The following DUSP8 variants were observed in gnomAD, a reference collection of about 807,000 sequenced individuals.
DUSP8 encodes the protein dual specificity protein phosphatase 8.
DUSP8 carries 15 observed loss-of-function variants against 38.7 expected under a neutral mutation model. The ratio of observed to expected loss-of-function variants is 0.39; its 90% CI spans 0.26 to 0.60. The LOEUF (loss-of-function observed/expected upper bound fraction) is 0.60. Among genes scored for constraint, DUSP8 ranks in the 20% least tolerant of loss-of-function variants. The pLI, the probability that DUSP8 is intolerant of heterozygous loss-of-function variation, is 0.56. For synonymous variants in DUSP8, 458 were observed against 433.9 expected, an observed-to-expected ratio of 1.06 and a Z score of -0.69; for missense variants, 768 against 915.0, an observed-to-expected ratio of 0.84 and a Z score of 2.07.
rs1590811366 is a variant in DUSP8 at position 1,572,114 on chromosome 11, G to A, written c.-322C>T. On this transcript the variant is annotated 5_prime_UTR_variant, in exon 1 of 7. Transcript: ENST00000397374. This position sits in a 1 kb window ranked among gnomAD's most constrained non-coding sequence, Gnocchi z 4.7. The stretch of plus-strand genomic sequence containing the variant: ...GGGCGCGCGCACTGCGGGCGGGCAC[G>A]CGCGCTCGCGGCGCGCATCCCAGCC... Among the ~76,000 whole-genome samples, 1 of 145,512 alleles carries A rather than the reference G, an allele frequency of 6.9e-6. No homozygotes were observed. The highest frequency in any genetic ancestry group is 2.5e-5 in the African/African-American group (1 of 40,614).
At chr11:1,562,709 G>GCA (rs1848741733) in intron 3 of DUSP8, among the ~76,000 whole-genome samples, 1 of 150,910 alleles carries the variant, frequency 6.6e-6, no homozygotes, top group African/African-American at 2.5e-5. Flanking sequence ...ACACATACAT[G>GCA]CACACACATG....
At chr11:1,570,929 T>C (rs562577440) in intron 1 of DUSP8, among the ~76,000 whole-genome samples, 7 of 152,064 alleles carry the variant, frequency 4.6e-5, no homozygotes, top group African/African-American at 1.7e-4. Flanking sequence ...TTCCCTGGCC[T>C]GCAGCACCCC....
intron 1 of DUSP8, among the ~76,000 whole-genome samples, chr11:1,568,268 T>C (rs1848835505): frequency 1.3e-5 from 2 of 151,752 alleles, no homozygotes; most frequent in African/African-American, 4.8e-5. Flanking sequence ...CATGCAGCCC[T>C]GAGTCCTGAC....
chr11:1,565,950 G>A lies in DUSP8; in HGVS notation c.-108-16C>T. 1.2e-6 allele frequency: 1 copy of A among 835,220 alleles called. No individual in the cohort carries two copies. The highest frequency in any genetic ancestry group is 2.2e-5 in the Admixed American group (1 of 45,702). 51.7% of individuals were successfully genotyped at this position (835,220 alleles called of 1,614,324 possible). ...GGTGCTGGACCTGCAGGGACAGGGGGATGGTCAGCAGTGCTGCGGGCCCCT... is the reference window on the plus strand; with the variant it reads ...GGTGCTGGACCTGCAGGGACAGGGGAATGGTCAGCAGTGCTGCGGGCCCCT... On this transcript the variant is annotated splice_polypyrimidine_tract_variant and intron_variant, in intron 1 of 6. Coordinates refer to ENST00000397374, the MANE Select transcript of DUSP8 (RefSeq NM_004420.3).
chr11:1,569,957 C>A (rs1312317502), intron 1 of DUSP8, among the ~76,000 whole-genome samples: 1 of 152,204 alleles, frequency 6.6e-6, no homozygotes, highest in Non-Finnish European at 1.5e-5. Context: ...CACAGGTCAG[C>A]TCATCTTCCC....
rs188248625 is a variant in DUSP8 at position 1,571,232 on chromosome 11, G to A, written c.-109+669C>T. The A allele has an allele frequency of 2.0e-5, 3 of 152,400 alleles. No individual in the cohort carries two copies. In the East Asian group the frequency reaches 5.8e-4, roughly 29 times the overall value. The allele number at this position is 152,400 out of a possible 1,614,324, so 9.4% of individuals were successfully genotyped here. ...GCTGGGCAGCTGGGCCTAGCGAGGT[G>A]GCTGCAGCAGCCTGGCTGTGCCAGC... is the stretch of plus-strand genomic sequence containing the variant. On this transcript the variant is annotated intron_variant, in intron 1 of 6. Transcript: ENST00000397374.
chr11:1,564,211 G>A (rs138309569), intron 2 of DUSP8, among the ~76,000 whole-genome samples: 4 of 152,328 alleles, frequency 2.6e-5, no homozygotes, highest in East Asian at 3.9e-4. Context: ...AAGCCATGGG[G>A]GCAGGGAGGG....
At chr11:1,568,287 G>A (rs1356163201) in intron 1 of DUSP8, among the ~76,000 whole-genome samples, 1 of 151,658 alleles carries the variant, frequency 6.6e-6, no homozygotes, top group Non-Finnish European at 1.5e-5. Context: ...ACACTGCCAT[G>A]AGAGACCTCG....
chr11:1,561,714 C>T (rs572055094), intron 3 of DUSP8, among the ~76,000 whole-genome samples: 6 of 152,370 alleles, frequency 3.9e-5, no homozygotes, highest in African/African-American at 1.4e-4. Context: ...CCTCACATTC[C>T]GGCCTCTACT....
At position 1,556,797 on chromosome 11, in the gene DUSP8, C is replaced by T; in HGVS notation, c.1599G>A (p.Gly533=). 1 of 1,175,140 alleles carries T rather than the reference C, an allele frequency of 8.5e-7. No individual in the cohort carries two copies. Among genetic ancestry groups the T allele is most frequent in the Non-Finnish European group, 1.1e-6 (1 of 951,774 alleles). 72.8% of individuals were successfully genotyped at this position (1,175,140 alleles called of 1,614,324 possible). Residue 533 remains glycine, a synonymous_variant, in exon 7 of 7, where the codon GGG becomes GGA. Transcript: ENST00000397374. The surrounding 1 kb of genome is among the most constrained non-coding windows in gnomAD (Gnocchi z 5.2). ...PWCFSPEGAQ[G]AGGVLFAPFG... The stretch of plus-strand genomic sequence containing the variant: ...AGGGCGCAAACAGCACCCCGCCCGC[C>T]CCCTGTGCGCCCTCGGGGCTGAAGC...
At chr11:1,559,172 C>T in intron 3 of DUSP8, 117 bp from the exon 4 acceptor site, 1 of 1,053,622 alleles carries the variant, frequency 9.5e-7, no homozygotes, top group South Asian at 1.8e-5. Flanking sequence ...CACACCCAGC[C>T]CAGACCCGAG....
At position 1,565,813 on chromosome 11, in the gene DUSP8, C is replaced by T. The variant is rs554735883; in HGVS notation, c.14G>A (p.Arg5Gln). Residue 5 changes from arginine (R) to glutamine (Q), a missense_variant, in exon 2 of 7, where the codon CGG becomes CAG. Physicochemically the swap from Arg to Gln is conservative, Grantham distance 43. Around this residue, in one of 3 missense-constraint regions of DUSP8, gnomAD observed 252 missense variants for 410.4 expected, o/e 0.61. Transcript: ENST00000397374. MAGD[R>Q]LPRKVMDAKK... is the part of the protein sequence containing the mutation. The stretch of plus-strand genomic sequence containing the variant: ...GGCATCCATCACCTTCCTCGGGAGC[C>T]GGTCCCCAGCCATGGTGGGGCAATG... The T allele has an allele frequency of 3.5e-5, 57 of 1,605,870 alleles. No individual in the cohort carries two copies. Among genetic ancestry groups the T allele is most frequent in the East Asian group, 9.0e-5 (4 of 44,632 alleles).
chr11:1,563,673 C>T (rs1848755829), intron 3 of DUSP8, among the ~76,000 whole-genome samples, 178 bp downstream of exon 3: 1 of 152,154 alleles, frequency 6.6e-6, no homozygotes, highest in East Asian at 1.9e-4. Flanking sequence ...TGAGGATAGT[C>T]ATATTGGTGG....
chr11:1,562,910 G>A lies in DUSP8; in HGVS notation c.370+941C>T, dbSNP rs144100349. ...TGGACCACCCTCAAGCCTCCCAGGTGCCCTTTAGGTCCCAGGACATGCCAT... is the reference window on the plus strand; with the variant it reads ...TGGACCACCCTCAAGCCTCCCAGGTACCCTTTAGGTCCCAGGACATGCCAT... On this transcript the variant is annotated intron_variant, in intron 3 of 6. Coordinates refer to ENST00000397374, the MANE Select transcript of DUSP8 (RefSeq NM_004420.3). Among the ~76,000 whole-genome samples the A allele has an allele frequency of 6.3e-3, 952 of 152,278 alleles. 10 individuals are homozygous for A. The highest frequency in any genetic ancestry group is 0.022 in the African/African-American group (916 of 41,548).
chr11:1,571,614 C>G (rs905961378), intron 1 of DUSP8: 2 of 148,084 alleles, frequency 1.4e-5, no homozygotes, highest in South Asian at 4.3e-4. Flanking sequence ...GTCCCCCCCC[C>G]ATTCCACACC....
In DUSP8 at chr11:1,557,422, G is replaced by A; in HGVS notation, c.974C>T (p.Ala325Val). ...GTPEPPPSPAAGAPLPRLPPP... is the reference protein window; with the variant it reads ...GTPEPPPSPAVGAPLPRLPPP... ...TGGCAGCCGTGGCAGCGGGGCCCCG[G>A]CGGCAGGACTGGGCGGAGGCTCCGG... is the stretch of plus-strand genomic sequence containing the variant. The change falls in exon 7 of 7, where the codon GCC becomes GTC. Residue 325 changes from alanine to valine, a missense_variant. Ala to Val is a moderately conservative substitution (Grantham distance 64). Coordinates refer to ENST00000397374, the MANE Select transcript of DUSP8 (RefSeq NM_004420.3). The surrounding 1 kb of genome is among the most constrained non-coding windows in gnomAD (Gnocchi z 9.9). 3 of 1,564,166 alleles carry A rather than the reference G, an allele frequency of 1.9e-6. No individual in the cohort carries two copies. The highest frequency in any genetic ancestry group is 2.6e-6 in the Non-Finnish European group (3 of 1,167,518).
At chr11:1,561,493 C>T (rs547521646) in intron 3 of DUSP8, among the ~76,000 whole-genome samples, 64 of 152,356 alleles carry the variant, frequency 4.2e-4, no homozygotes, top group African/African-American at 1.4e-3. Flanking sequence ...AGGCCGACTG[C>T]GGGCCGCTGC....
chr11:1,563,071 G>A (rs1033598016), intron 3 of DUSP8, among the ~76,000 whole-genome samples: 3 of 152,028 alleles, frequency 2.0e-5, no homozygotes, highest in African/African-American at 2.4e-5. Context: ...TCACCCCACC[G>A]TGCCTGCACC....
chr11:1,567,307 G>T (rs1848818532), intron 1 of DUSP8, among the ~76,000 whole-genome samples: 2 of 152,220 alleles, frequency 1.3e-5, no homozygotes, highest in South Asian at 4.1e-4. Context: ...GGAGGCACTG[G>T]GGGGAGGCGC....
Sources: allele counts gnomAD v4.1 joint callset (sites outside exome capture counted in the v4.1 genomes callset), GRCh38; gene constraint gnomAD v4.1.1; regional missense constraint gnomAD v4.1.1; non-coding constraint Gnocchi (gnomAD v3.1); transcripts MANE v1.5; gene names NCBI Gene and HGNC (gene_info 2026-07-23, HGNC 2026-07-21).